FGD4: variants seen among roughly 807,000 people sequenced by gnomAD.
FGD4 encodes FYVE, RhoGEF and PH domain containing 4, also known as FYVE, RhoGEF and PH domain-containing protein 4.
In FGD4, 42 loss-of-function variants were observed where a neutral mutation model predicts 102.0. The ratio of observed to expected loss-of-function variants is 0.41; its 90% CI spans 0.32 to 0.53. The LOEUF is 0.53. Among genes scored for constraint, FGD4 ranks in the 20% least tolerant of loss-of-function variants. FGD4 has a pLI of 0.21. For missense variants in FGD4, 902 were observed against 1,078.2 expected (o/e 0.84, Z 2.29); for synonymous variants, 380 against 375.7 (o/e 1.01, Z -0.13).
rs959203100 is a variant in FGD4 at position 32,524,395 on chromosome 12, C to CAAA, written c.167-39723_167-39721dup. Among the ~76,000 whole-genome samples the CAAA allele has an allele frequency of 4.3e-3, 299 of 69,072 alleles. 5 individuals are homozygous for CAAA. Among genetic ancestry groups the CAAA allele is most frequent in the African/African-American group, 0.014 (232 of 17,160 alleles). The allele number at this position is 69,072 out of a possible 152,430, so 45.3% of individuals were successfully genotyped here. ...TGGGCGACAGAGGGAGACTCTGTCT[C>CAAA]AAAAAAAAAAAAAAAAAAAAAGATA... On this transcript the variant is annotated intron_variant, in intron 1 of 16. Coordinates refer to ENST00000534526, the MANE Select transcript of FGD4 (RefSeq NM_001370298.3).
chr12:32,436,737 A>AT (rs1208176724), intron 1 of FGD4, among the ~76,000 whole-genome samples: 1 of 152,162 alleles, frequency 6.6e-6, no homozygotes, highest in Non-Finnish European at 1.5e-5. Context: ...CTGCTATCTC[A>AT]TTAGCAGCTT....
chr12:32,466,057 C>T (rs988135181), intron 1 of FGD4, among the ~76,000 whole-genome samples: 2 of 152,096 alleles, frequency 1.3e-5, no homozygotes, highest in Non-Finnish European at 2.9e-5. Flanking sequence ...GGATTATAGG[C>T]GTGAGCTACT....
At chr12:32,562,237 G>T (rs148448911) in intron 1 of FGD4, among the ~76,000 whole-genome samples, 1 of 152,288 alleles carries the variant, frequency 6.6e-6, no homozygotes, top group African/African-American at 2.4e-5. Context: ...AAGGAGAGGA[G>T]GCCTGTGTAT....
At chr12:32,451,436 A>G (rs1356859468) in intron 1 of FGD4, among the ~76,000 whole-genome samples, 1 of 152,340 alleles carries the variant, frequency 6.6e-6, no homozygotes, top group African/African-American at 2.4e-5. Context: ...TATGGATTGC[A>G]TGGAGTCTGT....
chr12:32,445,514 A>G (rs1394682255), intron 1 of FGD4, among the ~76,000 whole-genome samples: 1 of 152,220 alleles, frequency 6.6e-6, no homozygotes, highest in African/African-American at 2.4e-5. Flanking sequence ...ACATCTCATG[A>G]TAGGATTATT....
At chr12:32,491,143 A>AC (rs1555188027) in intron 1 of FGD4, among the ~76,000 whole-genome samples, 17 of 150,824 alleles carry the variant, frequency 1.1e-4, no homozygotes, top group African/African-American at 4.2e-4. Context: ...AAAAAAAAAA[A>AC]AAAAAAACAA....
intron 12 of FGD4, 64 bp downstream of exon 12, chr12:32,624,516 C>A: frequency 7.4e-7 from 1 of 1,344,474 alleles, no homozygotes; most frequent in Non-Finnish European, 1.0e-6. Flanking sequence ...CACTCTCACC[C>A]AGTCTGGAGT....
intron 1 of FGD4, among the ~76,000 whole-genome samples, chr12:32,418,699 T>C: frequency 6.6e-6 from 1 of 152,080 alleles, no homozygotes; most frequent in South Asian, 2.1e-4. Flanking sequence ...CAAGGCCCGG[T>C]GTAACCACTA....
chr12:32,552,994 A>G (rs2136204737), intron 1 of FGD4, among the ~76,000 whole-genome samples: 1 of 130,576 alleles, frequency 7.7e-6, no homozygotes, highest in Admixed American at 8.7e-5. Context: ...GGGTTTCTCC[A>G]TGTTGGTCAG....
chr12:32,477,953 G>T (rs1474977397), intron 1 of FGD4, among the ~76,000 whole-genome samples: 1 of 152,180 alleles, frequency 6.6e-6, no homozygotes, highest in Non-Finnish European at 1.5e-5. Context: ...TATTAGGTTT[G>T]CTCAGACAGG....
rs1942849994 is a variant in FGD4, at chr12:32,453,222, TATAG to T, written c.166+53267_166+53270del. ...ATATTATATATATATATATATATAA[TATAG>T]ATATATATATATTTTTTTTTTTTTA... is the stretch of plus-strand genomic sequence containing the variant. On this transcript the variant is annotated intron_variant, in intron 1 of 16. Transcript: ENST00000534526. Among the ~76,000 whole-genome samples, 7 of 48,292 alleles carry T rather than the reference TATAG, an allele frequency of 1.4e-4. No individual in the cohort carries two copies. The South Asian group carries it at 4.6e-3, about 31-fold the overall frequency. The allele number at this position is 48,292 out of a possible 152,430, so 31.7% of individuals were successfully genotyped here.
chr12:32,434,003 G>GCC, intron 1 of FGD4, among the ~76,000 whole-genome samples: 1 of 151,978 alleles, frequency 6.6e-6, no homozygotes, highest in African/African-American at 2.4e-5. Context: ...CTACAGGCAT[G>GCC]CACCACCACG....
intron 11 of FGD4, among the ~76,000 whole-genome samples, chr12:32,622,766 T>C (rs1949920044): frequency 6.6e-6 from 1 of 152,160 alleles, no homozygotes; most frequent in African/African-American, 2.4e-5. Context: ...GCTAATTTTT[T>C]ATTTTTAATA....
rs575785868 is a variant in FGD4, at chr12:32,616,562, C to G, written c.1750-3136C>G. Reference sequence around the variant, plus strand: ...TTGCCTTGCCAGTGCACATTTATTCCCATGGAACCTCTTGTTCTTTTACTT... The same window carrying G: ...TTGCCTTGCCAGTGCACATTTATTCGCATGGAACCTCTTGTTCTTTTACTT... On this transcript the variant is annotated intron_variant, in intron 10 of 16. Transcript: ENST00000534526. Among the ~76,000 whole-genome samples the G allele has an allele frequency of 1.3e-4, 20 of 152,260 alleles. No homozygotes were observed. In the South Asian group the frequency reaches 3.5e-3, roughly 27 times the overall value.
intron 2 of FGD4, chr12:32,574,986 G>A (rs376405358): frequency 5.9e-5 from 9 of 152,292 alleles, no homozygotes; most frequent in African/African-American, 2.2e-4. Flanking sequence ...TTAGAGAAAA[G>A]TAATACTGGT....
intron 15 of FGD4, among the ~76,000 whole-genome samples, chr12:32,636,331 C>T (rs374508196): frequency 6.6e-6 from 1 of 151,996 alleles, no homozygotes; most frequent in Admixed American, 6.6e-5. Flanking sequence ...GACAGGAGTT[C>T]GAGACCAGCC....
At chr12:32,475,337 G>C (rs1230538573) in intron 1 of FGD4, among the ~76,000 whole-genome samples, 2 of 152,152 alleles carry the variant, frequency 1.3e-5, no homozygotes, top group Non-Finnish European at 2.9e-5. Flanking sequence ...AGATGTCTTA[G>C]GGGTTCACAA....
At position 32,642,799 on chromosome 12, in the gene FGD4, T is replaced by C. The variant is rs1474414069; in HGVS notation, c.*2266T>C. On this transcript the variant is annotated 3_prime_UTR_variant, in exon 17 of 17. Coordinates refer to ENST00000534526, the MANE Select transcript of FGD4 (RefSeq NM_001370298.3). ...GAAGCAGTGAAACAGCCTTACCCGC[T>C]TCTCTCTTATTAAAGAATCACTGAT... 1 of 152,372 alleles carries C rather than the reference T, an allele frequency of 6.6e-6. No homozygotes were observed. The highest frequency in any genetic ancestry group is 1.5e-5 in the Non-Finnish European group (1 of 67,944). The allele number at this position is 152,372 out of a possible 1,614,324, so 9.4% of individuals were successfully genotyped here.
At chr12:32,406,799 G>GT (rs927733847) in intron 1 of FGD4, among the ~76,000 whole-genome samples, 111 of 150,418 alleles carry the variant, frequency 7.4e-4, no homozygotes, top group East Asian at 5.3e-3. Flanking sequence ...TAGAGAAGCT[G>GT]TTTTTTTTTG....
Sources: allele counts gnomAD v4.1 joint callset (sites outside exome capture counted in the v4.1 genomes callset), GRCh38; gene constraint gnomAD v4.1.1; transcripts MANE v1.5; gene names NCBI Gene and HGNC (gene_info 2026-07-23, HGNC 2026-07-21).